The following ATRX variants were observed in gnomAD, a reference collection of about 807,000 sequenced individuals.
ATRX encodes ATRX chromatin remodeler.
Under a neutral mutation model 172.6 loss-of-function variants are expected in ATRX, and 12 were observed. That is an observed-to-expected ratio of 0.07 (90% CI 0.04 to 0.11). The LOEUF is 0.11. Ranked by LOEUF, ATRX falls within the 10% of genes least tolerant of loss-of-function variation. The pLI is 1.00. For missense variants in ATRX, 1,368 were observed against 1,767.4 expected (o/e 0.77, Z 4.05); for synonymous variants, 674 against 594.7 (o/e 1.13, Z -1.94).
chrX:77,515,381 G>A (rs1284436931), intron 34 of ATRX, among the ~76,000 whole-genome samples: 1 of 110,293 alleles, frequency 9.1e-6, no homozygotes, highest in Non-Finnish European at 1.9e-5. Flanking sequence ...TAAAGAAAAT[G>A]TGGAAATAAA....
At chrX:77,668,669 C>A (rs1402399181) in intron 10 of ATRX, among the ~76,000 whole-genome samples, 1 of 111,098 alleles carries the variant, frequency 9.0e-6, no homozygotes, top group African/African-American at 3.3e-5. Context: ...CACAAACAAA[C>A]AATGATCGGA....
chrX:77,734,909 G>A (rs529656344), intron 1 of ATRX, among the ~76,000 whole-genome samples: 1 of 109,376 alleles, frequency 9.1e-6, no homozygotes, highest in African/African-American at 3.3e-5. Flanking sequence ...TCAAGAGTTC[G>A]AGATCAGCCT....
At chrX:77,696,854 T>C (rs2072217730) in intron 4 of ATRX, 150 bp from the exon 5 acceptor site, 2 of 543,455 alleles carry the variant, frequency 3.7e-6, no homozygotes, top group Non-Finnish European at 5.8e-6. Flanking sequence ...GTCTATACCA[T>C]ATCACTGAAG....
Position 77,611,916 on chromosome X carries a change from A to G in ATRX, c.5566+4697T>C, listed in dbSNP as rs1207115005. Among the ~76,000 whole-genome samples, 3 of 111,852 alleles carry G rather than the reference A, an allele frequency of 2.7e-5. No homozygotes were observed. In the East Asian group the frequency reaches 8.3e-4, roughly 31 times the overall value. ...CAATTACCATGTGTCAATTAAAAAC[A>G]AAATGAAACTTTAAAGTATTTTTCT... is the stretch of plus-strand genomic sequence containing the variant. On this transcript the variant is annotated intron_variant, in intron 22 of 34. Transcript: ENST00000373344.
intron 1 of ATRX, among the ~76,000 whole-genome samples, chrX:77,771,272 A>C (rs1364933253): frequency 1.8e-5 from 2 of 108,548 alleles, no homozygotes; most frequent in African/African-American, 6.7e-5. Flanking sequence ...GCTACTCAAG[A>C]GGCTGAGGCA....
rs782407833 is a variant in ATRX at position 77,532,928 on chromosome X, C to A, written c.6700-9527G>T. 5.4e-5 allele frequency among the ~76,000 whole-genome samples: 6 copies of A among 111,874 alleles called. No individual in the cohort carries two copies. The South Asian group carries it at 2.2e-3, about 42-fold the overall frequency. ...GGTATAATATCCAGAATCTACAAGA[C>A]ATTTAAACAAATCTATGAGAAAGAA... On this transcript the variant is annotated intron_variant, in intron 30 of 34. Coordinates refer to ENST00000373344, the MANE Select transcript of ATRX (RefSeq NM_000489.6).
At chrX:77,719,267 C>T (rs1252318113) in intron 1 of ATRX, among the ~76,000 whole-genome samples, 1 of 110,895 alleles carries the variant, frequency 9.0e-6, no homozygotes, top group Non-Finnish European at 1.9e-5. Flanking sequence ...AAAGACAACC[C>T]TATTTTTTAA....
In ATRX at chrX:77,682,964, C is replaced by G. The variant is rs1557139933; in HGVS notation, c.2292G>C (p.Leu764Phe). The G allele has an allele frequency of 4.1e-6, 5 of 1,208,342 alleles. 1 individual carries two copies. The highest frequency in any genetic ancestry group is 1.8e-5 in the South Asian group (1 of 56,765). ...INEIHTNHKT[L>F]YDLKTQAGKD... Reference sequence around the variant, plus strand: ...TCCCCGCCTGAGTCTTTAAATCATACAAAGTCTTATGGTTTGTATGAATTT... The same window carrying G: ...TCCCCGCCTGAGTCTTTAAATCATAGAAAGTCTTATGGTTTGTATGAATTT... Residue 764 changes from leucine (L) to phenylalanine (F), a missense_variant, in exon 9 of 35, where the codon TTG (leucine) becomes TTC (phenylalanine). By Grantham distance (22) the Leu-to-Phe change is conservative (BLOSUM62 0). Transcript: ENST00000373344.
intron 9 of ATRX, among the ~76,000 whole-genome samples, chrX:77,677,055 G>T (rs1242895935): frequency 9.2e-6 from 1 of 109,102 alleles, no homozygotes; most frequent in Non-Finnish European, 1.9e-5. Flanking sequence ...CTGGGAGGCG[G>T]AGGTTTCAGT....
At chrX:77,688,647 C>T (rs984885167) in intron 7 of ATRX, among the ~76,000 whole-genome samples, 171 bp downstream of exon 7, 6 of 111,904 alleles carry the variant, frequency 5.4e-5, no homozygotes, top group African/African-American at 2.0e-4. Context: ...ATCACAGTAT[C>T]TCCCCTATCA....
chrX:77,526,238 G>GA (rs1223946525), intron 30 of ATRX, among the ~76,000 whole-genome samples: 115 of 109,687 alleles, frequency 1.0e-3, no homozygotes, highest in African/African-American at 2.2e-3. Flanking sequence ...TATTCCCTTA[G>GA]AAAAAAAAAG....
chrX:77,669,310 C>CT (rs377754260), intron 10 of ATRX, among the ~76,000 whole-genome samples: 1,393 of 102,899 alleles, frequency 0.014, 21 homozygotes, highest in African/African-American at 0.041. Context: ...CAGATGATGC[C>CT]TTTTTTTTTT....
chrX:77,530,349 G>A (rs782095979), intron 30 of ATRX, among the ~76,000 whole-genome samples: 1 of 111,791 alleles, frequency 8.9e-6, no homozygotes, highest in African/African-American at 3.2e-5. Flanking sequence ...GCTCACGTCT[G>A]TAATCCCTGC....
At chrX:77,762,928 T>C (rs2148913872) in intron 1 of ATRX, among the ~76,000 whole-genome samples, 1 of 111,102 alleles carries the variant, frequency 9.0e-6, no homozygotes, top group Admixed American at 9.7e-5. Context: ...ACTTATCTTT[T>C]TGCAAATAGT....
At chrX:77,698,741 T>C in intron 2 of ATRX, 112 bp from the exon 3 acceptor site, 1 of 584,737 alleles carries the variant, frequency 1.7e-6, no homozygotes. Context: ...TCTGGCAGTA[T>C]TGTTAACATA....
In ATRX at chrX:77,520,888, G is replaced by A. The variant is rs1557041107; in HGVS notation, c.7100C>T (p.Ala2367Val). The change falls in exon 34 of 35, where the codon GCC becomes GTC. Residue 2367 changes from alanine (A) to valine (V), a missense_variant. Ala to Val is a moderately conservative substitution (Grantham distance 64). Around this residue, in one of 17 missense-constraint regions of ATRX, gnomAD observed 100 missense variants for 153.9 expected, o/e 0.65. Coordinates refer to ENST00000373344, the MANE Select transcript of ATRX (RefSeq NM_000489.6). ...ACTTAATGCTAACGCCTGTACTTGGGCCTCTGAGAGATTCATGTTCTCCTT... is the reference window on the plus strand; with the variant it reads ...ACTTAATGCTAACGCCTGTACTTGGACCTCTGAGAGATTCATGTTCTCCTT... ...VWKENMNLSE[A>V]QVQALALSRQ... The A allele has an allele frequency of 8.3e-7, 1 of 1,209,250 alleles. No individual in the cohort carries two copies. Among genetic ancestry groups the A allele is most frequent in the East Asian group, 3.0e-5 (1 of 33,810 alleles).
At chrX:77,712,017 G>C (rs1247363041) in intron 2 of ATRX, among the ~76,000 whole-genome samples, 3 of 111,772 alleles carry the variant, frequency 2.7e-5, no homozygotes, top group African/African-American at 9.8e-5. Flanking sequence ...GAGAGTTTTC[G>C]TGCAATCTGG....
intron 26 of ATRX, among the ~76,000 whole-genome samples, chrX:77,592,092 T>A (rs1263662367): frequency 8.9e-6 from 1 of 112,025 alleles, no homozygotes; most frequent in Non-Finnish European, 1.9e-5. Context: ...GATTATTTTA[T>A]TTTAGCCTTA....
chrX:77,662,149 G>A (rs922744441), intron 12 of ATRX, among the ~76,000 whole-genome samples: 1 of 111,368 alleles, frequency 9.0e-6, no homozygotes, highest in Admixed American at 9.6e-5. Flanking sequence ...ATATAATTAC[G>A]TTACACAAAA....
Sources: allele counts gnomAD v4.1 joint callset (sites outside exome capture counted in the v4.1 genomes callset), GRCh38; gene constraint gnomAD v4.1.1; regional missense constraint gnomAD v4.1.1; transcripts MANE v1.5; gene names NCBI Gene and HGNC (gene_info 2026-07-23, HGNC 2026-07-21).